The following RNF122 variants were observed in gnomAD, a reference collection of about 807,000 sequenced individuals.
RNF122 encodes ring finger protein 122.
In RNF122, 17 loss-of-function variants were observed where a neutral mutation model predicts 24.2. The ratio of observed to expected loss-of-function variants is 0.70; its 90% CI spans 0.48 to 1.06. The LOEUF (loss-of-function observed/expected upper bound fraction) is 1.06, where lower values mean the gene tolerates loss of function less well. Ranked by LOEUF, RNF122 falls within the 50% of genes least tolerant of loss-of-function variation. The pLI is 0.00. For synonymous variants in RNF122, 65 were observed against 71.8 expected (o/e 0.91, Z 0.48); for missense variants, 168 against 198.1 (o/e 0.85, Z 0.91).
At position 33,558,686 on chromosome 8, in the gene RNF122, G is replaced by C. The variant is rs1355781275; in HGVS notation, c.111C>G (p.Ile37Met). 6.2e-7 allele frequency: 1 copy of C among 1,612,328 alleles called. No individual in the cohort carries two copies. Among genetic ancestry groups the C allele is most frequent in the African/African-American group, 1.3e-5 (1 of 74,912 alleles). Residue 37 changes from isoleucine (I) to methionine (M), a missense_variant, in exon 2 of 6, where the codon ATC becomes ATG. By Grantham distance (10) the Ile-to-Met change is conservative (BLOSUM62 1). Transcript: ENST00000256257. ...TGCCTGTGCCGAAGATGACCATATA[G>C]ATGTTGAGCGGAAGGTCCTGGAAAC... The part of the protein sequence containing the change: ...PISFQDLPLN[I>M]YMVIFGTGIF...
chr8:33,554,386 C>A (rs555017238), intron 2 of RNF122, among the ~76,000 whole-genome samples: 1 of 152,254 alleles, frequency 6.6e-6, no homozygotes, highest in Non-Finnish European at 1.5e-5. Context: ...TTTCTGTACC[C>A]CAGGCACCTA....
intron 2 of RNF122, among the ~76,000 whole-genome samples, chr8:33,553,395 C>T (rs1249604341): frequency 6.6e-6 from 1 of 152,002 alleles, no homozygotes; most frequent in Non-Finnish European, 1.5e-5. Context: ...CTTGTCTCTT[C>T]AAAAATAAAT....
Position 33,566,825 on chromosome 8 carries a change from G to A in RNF122, c.-102C>T. The A allele has an allele frequency of 1.5e-6, 2 of 1,347,260 alleles. No homozygotes were observed. The highest frequency in any genetic ancestry group is 2.1e-6 in the Non-Finnish European group (2 of 963,294). 83.5% of individuals were successfully genotyped at this position (1,347,260 alleles called of 1,614,324 possible). A position where few individuals can be genotyped will look rare whatever the true frequency, so the allele number is the denominator to read the frequency against. On this transcript the variant is annotated 5_prime_UTR_variant, in exon 1 of 6. Coordinates refer to ENST00000256257, the MANE Select transcript of RNF122 (RefSeq NM_024787.3). ...GGCGTGAGGGGCCGCAGGCGGGGTC[G>A]GGGCAGCGCGCTGCAGCCGCCCTGC...
At position 33,558,668 on chromosome 8, in the gene RNF122, G is replaced by A; in HGVS notation, c.129C>T (p.Gly43=). The A allele has an allele frequency of 1.2e-6, 2 of 1,612,126 alleles. No homozygotes were observed. Among genetic ancestry groups the A allele is most frequent in the Non-Finnish European group, 1.7e-6 (2 of 1,178,716 alleles). Reference sequence around the variant, plus strand: ...TGAGCATGAAGACAAAGATGCCTGTGCCGAAGATGACCATATAGATGTTGA... The same window carrying A: ...TGAGCATGAAGACAAAGATGCCTGTACCGAAGATGACCATATAGATGTTGA... ...LPLNIYMVIF[G]TGIFVFMLSL... is the part of the protein sequence containing the mutation. The change falls in exon 2 of 6, where the codon GGC becomes GGT. Residue 43 remains glycine, a synonymous_variant. Coordinates refer to ENST00000256257, the MANE Select transcript of RNF122 (RefSeq NM_024787.3).
rs531163314 is a variant in RNF122, at chr8:33,560,166, T to A, written c.26-1395A>T. On this transcript the variant is annotated intron_variant, in intron 1 of 5. Coordinates refer to ENST00000256257, the MANE Select transcript of RNF122 (RefSeq NM_024787.3). Reference sequence around the variant, plus strand: ...CAGGACCTACGTTTTAACAAGCTCCTCAGGTGATTCCCCTGCACATTCAGT... The same window carrying A: ...CAGGACCTACGTTTTAACAAGCTCCACAGGTGATTCCCCTGCACATTCAGT... Among the ~76,000 whole-genome samples, 3 of 152,076 alleles carry A rather than the reference T, an allele frequency of 2.0e-5. No homozygotes were observed. The East Asian group carries it at 5.8e-4, about 29-fold the overall frequency.
chr8:33,566,850 C>A lies in RNF122; in HGVS notation c.-127G>T. ...GGGGCAGCGCGCTGCAGCCGCCCTG[C>A]TGGAGAAGCCGAACTCCCTCCGGAG... On this transcript the variant is annotated 5_prime_UTR_variant, in exon 1 of 6. Coordinates refer to ENST00000256257, the MANE Select transcript of RNF122 (RefSeq NM_024787.3). 1 of 1,064,744 alleles carries A rather than the reference C, an allele frequency of 9.4e-7. No homozygotes were observed. The highest frequency in any genetic ancestry group is 1.4e-6 in the Non-Finnish European group (1 of 711,802). 66.0% of individuals were successfully genotyped at this position (1,064,744 alleles called of 1,614,324 possible). A position where few individuals can be genotyped will look rare whatever the true frequency, so the allele number is the denominator to read the frequency against.
At chr8:33,560,455 C>G (rs554486437) in intron 1 of RNF122, among the ~76,000 whole-genome samples, 54 of 152,154 alleles carry the variant, frequency 3.5e-4, no homozygotes, top group African/African-American at 1.3e-3. Flanking sequence ...CTCACTGTAT[C>G]CTCCAACTCC....
intron 2 of RNF122, among the ~76,000 whole-genome samples, 193 bp downstream of exon 2, chr8:33,558,422 G>T (rs1810487912): frequency 6.6e-6 from 1 of 152,150 alleles, no homozygotes; most frequent in African/African-American, 2.4e-5. Context: ...GGAACAACTT[G>T]ATAGGCTAAT....
At chr8:33,561,838 T>C (rs1240452945) in intron 1 of RNF122, among the ~76,000 whole-genome samples, 1 of 152,104 alleles carries the variant, frequency 6.6e-6, no homozygotes, top group African/African-American at 2.4e-5. Flanking sequence ...TAAGCCACTG[T>C]GCCCCGCCCT....
At chr8:33,550,999 C>T in intron 4 of RNF122, 45 bp downstream of exon 4, 1 of 1,593,448 alleles carries the variant, frequency 6.3e-7, no homozygotes, top group Non-Finnish European at 8.6e-7. Context: ...GTGCTGTCTG[C>T]CTCACCTGCT....
In RNF122 at chr8:33,566,798, G is replaced by A; in HGVS notation, c.-75C>T. On this transcript the variant is annotated 5_prime_UTR_variant, in exon 1 of 6. Transcript: ENST00000256257. ...CCAGGAGGGCGGGGTGGGAGCACTA[G>A]CGGCGTGAGGGGCCGCAGGCGGGGT... 2 of 1,529,798 alleles carry A rather than the reference G, an allele frequency of 1.3e-6. No homozygotes were observed. Among genetic ancestry groups the A allele is most frequent in the Non-Finnish European group, 1.8e-6 (2 of 1,123,446 alleles). 94.8% of individuals were successfully genotyped at this position (1,529,798 alleles called of 1,614,324 possible).
intron 1 of RNF122, among the ~76,000 whole-genome samples, chr8:33,565,106 G>A (rs184747685): frequency 6.6e-6 from 1 of 152,156 alleles, no homozygotes; most frequent in African/African-American, 2.4e-5. Flanking sequence ...AAGACCAGGG[G>A]ATCTGGGAAC....
In RNF122 at chr8:33,550,751, G is replaced by A. The variant is rs533224396; in HGVS notation, c.270+293C>T. Among the ~76,000 whole-genome samples the A allele has an allele frequency of 3.9e-5, 6 of 152,256 alleles. No individual in the cohort carries two copies. The East Asian group carries it at 9.6e-4, about 24-fold the overall frequency. On this transcript the variant is annotated intron_variant, in intron 4 of 5. Coordinates refer to ENST00000256257, the MANE Select transcript of RNF122 (RefSeq NM_024787.3). ...TGAATTCTGTCTATGGCATGAAAGG[G>A]TACGACCATCCTCCTGGTAAAAATT...
At chr8:33,562,887 C>T (rs1335639055) in intron 1 of RNF122, among the ~76,000 whole-genome samples, 5 of 152,080 alleles carry the variant, frequency 3.3e-5, no homozygotes, top group Non-Finnish European at 7.4e-5. Flanking sequence ...CACACCACTG[C>T]ACTCTAGCCT....
chr8:33,549,315 G>T, intron 5 of RNF122, 95 bp downstream of exon 5: 1 of 991,874 alleles, frequency 1.0e-6, no homozygotes, highest in Non-Finnish European at 1.6e-6. Context: ...TCACGGATAA[G>T]GGGCAAATAG....
chr8:33,560,697 G>A (rs1810528508), intron 1 of RNF122, among the ~76,000 whole-genome samples: 1 of 152,080 alleles, frequency 6.6e-6, no homozygotes, highest in Admixed American at 6.6e-5. Context: ...AGTACTTTGG[G>A]AGCCCGAGAC....
At chr8:33,550,490 C>A (rs528189379) in intron 4 of RNF122, among the ~76,000 whole-genome samples, 30 of 151,858 alleles carry the variant, frequency 2.0e-4, no homozygotes, top group African/African-American at 6.5e-4. Flanking sequence ...GTTAGGTGAC[C>A]TTAGAGGCAT....
intron 1 of RNF122, among the ~76,000 whole-genome samples, chr8:33,560,690 A>C (rs1810528431): frequency 6.6e-6 from 1 of 152,004 alleles, no homozygotes; most frequent in South Asian, 2.1e-4. Flanking sequence ...TAATCCCAGT[A>C]CTTTGGGAGC....
At chr8:33,561,677 G>A (rs1437249433) in intron 1 of RNF122, among the ~76,000 whole-genome samples, 1 of 152,000 alleles carries the variant, frequency 6.6e-6, no homozygotes, top group East Asian at 1.9e-4. Flanking sequence ...TGAGTAGCTA[G>A]GACTATAGGT....
Sources: gnomAD v4.1 joint callset for allele counts (sites outside exome capture counted in the v4.1 genomes callset) on GRCh38, gnomAD v4.1.1 for gene constraint, MANE v1.5 for transcripts, NCBI Gene and HGNC (gene_info 2026-07-23, HGNC 2026-07-21) for gene names.